PTPN23: variants seen among roughly 807,000 people sequenced by gnomAD.
The protein encoded by PTPN23 is tyrosine-protein phosphatase non-receptor type 23.
PTPN23 carries 72 observed loss-of-function variants against 156.3 expected under a neutral mutation model. The observed-to-expected ratio is 0.46, with a 90% CI of 0.38 to 0.56. PTPN23 has a LOEUF of 0.56. Ranked by LOEUF, PTPN23 falls within the 20% of genes least tolerant of loss-of-function variation. The probability of loss-of-function intolerance (pLI) is 0.00; values close to 1 mark genes in which losing one functional copy is unlikely to be tolerated. For synonymous variants in PTPN23, 957 were observed against 899.6 expected (o/e 1.06, Z -1.14); for missense variants, 1,974 against 2,171.5 (o/e 0.91, Z 1.81).
In PTPN23 at chr3:47,407,215, G is replaced by A; in HGVS notation, c.864+29G>A. 3 of 1,613,994 alleles carry A rather than the reference G, an allele frequency of 1.9e-6. No individual in the cohort carries two copies. The highest frequency in any genetic ancestry group is 2.5e-6 in the Non-Finnish European group (3 of 1,179,938). On this transcript the variant is annotated intron_variant, in intron 10 of 24. Transcript: ENST00000265562. The surrounding 1 kb of genome is among the most constrained non-coding windows in gnomAD (Gnocchi z 4.0). ...AAGCTGAGGAAGGCCTGGCTGCCCT[G>A]AGGGTATAGGAGCAAGCCCGGTAGG...
chr3:47,395,804 C>G (rs189950225), intron 1 of PTPN23, among the ~76,000 whole-genome samples: 3 of 152,144 alleles, frequency 2.0e-5, no homozygotes, highest in Non-Finnish European at 4.4e-5. Context: ...GCCCAATCTT[C>G]TAGGGAGGCT....
rs1214557333 is a variant in PTPN23, at chr3:47,404,895, T to C, written c.288-110T>C. 4 of 1,577,716 alleles carry C rather than the reference T, an allele frequency of 2.5e-6. No individual in the cohort carries two copies. The East Asian group carries it at 6.8e-5, about 27-fold the overall frequency. On this transcript the variant is annotated intron_variant, in intron 3 of 24. Coordinates refer to ENST00000265562, the MANE Select transcript of PTPN23 (RefSeq NM_015466.4). ...TAGGATGGGGAATGGCCTCATATGG[T>C]CCCCCCAGGCCTCCCCACATCCCCA...
chr3:47,395,624 C>G (rs1704862394), intron 1 of PTPN23, among the ~76,000 whole-genome samples: 1 of 152,222 alleles, frequency 6.6e-6, no homozygotes, highest in Non-Finnish European at 1.5e-5. Context: ...AGCTGCAAGT[C>G]TTTCCTCACA....
At chr3:47,397,630 T>C (rs772701577) in intron 2 of PTPN23, among the ~76,000 whole-genome samples, 11 of 152,068 alleles carry the variant, frequency 7.2e-5, no homozygotes. Context: ...ATCAGTAAAT[T>C]TTTGGATACA....
chr3:47,406,314 T>G lies in PTPN23; in HGVS notation c.547-11T>G. ...GGTGAGCGAGGGAGTGCACCTCACG[T>G]GTCGCCCCAGGGCCAGGCTCAGGAG... On this transcript the variant is annotated splice_polypyrimidine_tract_variant and intron_variant, in intron 6 of 24. Coordinates refer to ENST00000265562, the MANE Select transcript of PTPN23 (RefSeq NM_015466.4). This position sits in a 1 kb window ranked among gnomAD's most constrained non-coding sequence, Gnocchi z 5.8. 1 of 1,613,278 alleles carries G rather than the reference T, an allele frequency of 6.2e-7. No homozygotes were observed. Among genetic ancestry groups the G allele is most frequent in the Non-Finnish European group, 8.5e-7 (1 of 1,179,936 alleles).
At chr3:47,412,684 C>T (rs1576235227) in intron 24 of PTPN23, 22 bp from the exon 25 acceptor site, 5 of 1,598,906 alleles carry the variant, frequency 3.1e-6, no homozygotes, top group Non-Finnish European at 3.4e-6. Context: ...ACTCCCTCTC[C>T]TCACTCACTC....
intron 1 of PTPN23, among the ~76,000 whole-genome samples, chr3:47,384,050 G>T (rs886383300): frequency 1.3e-5 from 2 of 151,094 alleles, no homozygotes; most frequent in African/African-American, 4.9e-5. Context: ...AATTGGTTCT[G>T]TTTACATCAA....
In PTPN23 at chr3:47,406,057, G is replaced by A. The variant is rs761488446; in HGVS notation, c.546+11G>A. The A allele has an allele frequency of 8.7e-6, 14 of 1,609,974 alleles. No individual in the cohort carries two copies. The highest frequency in any genetic ancestry group is 8.4e-5 in the Admixed American group (5 of 59,464). Reference sequence around the variant, plus strand: ...GTCAACCTCATGCTGGTGAGGAGGCGCCCTGGTTGGAGTGGAGTTGAATCC... The same window carrying A: ...GTCAACCTCATGCTGGTGAGGAGGCACCCTGGTTGGAGTGGAGTTGAATCC... On this transcript the variant is annotated intron_variant, in intron 6 of 24. Coordinates refer to ENST00000265562, the MANE Select transcript of PTPN23 (RefSeq NM_015466.4). The surrounding 1 kb of genome is among the most constrained non-coding windows in gnomAD (Gnocchi z 5.8).
In PTPN23 at chr3:47,409,587, G is replaced by C. The variant is rs755253997; in HGVS notation, c.1949+19G>C. The C allele has an allele frequency of 6.2e-7, 1 of 1,612,514 alleles. No individual in the cohort carries two copies. Among genetic ancestry groups the C allele is most frequent in the African/African-American group, 1.3e-5 (1 of 74,880 alleles). On this transcript the variant is annotated intron_variant, in intron 18 of 24. Coordinates refer to ENST00000265562, the MANE Select transcript of PTPN23 (RefSeq NM_015466.4). Reference sequence around the variant, plus strand: ...ACCAAAAGTCAGTGCCCAGTCCTCTGCTCTTTCCCGGAGCCACCTGGAGCC... The same window carrying C: ...ACCAAAAGTCAGTGCCCAGTCCTCTCCTCTTTCCCGGAGCCACCTGGAGCC...
intron 1 of PTPN23, among the ~76,000 whole-genome samples, chr3:47,394,654 A>G (rs991736350): frequency 3.3e-5 from 5 of 152,194 alleles, no homozygotes; most frequent in African/African-American, 1.2e-4. Flanking sequence ...CAGGTTGTGC[A>G]GGGTCATAAA....
chr3:47,384,309 A>G (rs939164869), intron 1 of PTPN23, among the ~76,000 whole-genome samples: 1 of 152,002 alleles, frequency 6.6e-6, no homozygotes, highest in African/African-American at 2.4e-5. Flanking sequence ...TCTACTAAAA[A>G]TACAAAAAAT....
chr3:47,413,150 C>T lies in PTPN23; in HGVS notation c.4876C>T (p.Leu1626Phe). ...ATRPSDDPLS[L>F]LDPLWTLNKT is the part of the protein sequence containing the mutation. ...CCGGCCCTCTGACGACCCCCTCAGC[C>T]TTCTGGATCCACTCTGGACACTCAA... Residue 1626 changes from leucine (L) to phenylalanine (F), a missense_variant, in exon 25 of 25, where the codon CTT becomes TTT. By Grantham distance (22) the Leu-to-Phe change is conservative. This residue lies in a region of PTPN23 where 484 missense variants were observed against 516.0 expected (regional missense o/e 0.94). Transcript: ENST00000265562. 6.2e-7 allele frequency: 1 copy of T among 1,612,630 alleles called. No homozygotes were observed. Among genetic ancestry groups the T allele is most frequent in the Non-Finnish European group, 8.5e-7 (1 of 1,179,892 alleles).
chr3:47,406,787 C>T lies in PTPN23; in HGVS notation c.807+37C>T, dbSNP rs1705136444. The T allele has an allele frequency of 2.5e-6, 4 of 1,611,936 alleles. No individual in the cohort carries two copies. The highest frequency in any genetic ancestry group is 3.4e-6 in the Non-Finnish European group (4 of 1,179,296). On this transcript the variant is annotated intron_variant, in intron 9 of 24. Coordinates refer to ENST00000265562, the MANE Select transcript of PTPN23 (RefSeq NM_015466.4). This position sits in a 1 kb window ranked among gnomAD's most constrained non-coding sequence, Gnocchi z 5.8. ...CGAGGAGGGGACTGGGGACCAATGG[C>T]AGCCTTCAGTGAGATGCCGGTGTGC...
At chr3:47,393,493 C>G (rs1192435636) in intron 1 of PTPN23, among the ~76,000 whole-genome samples, 3 of 152,138 alleles carry the variant, frequency 2.0e-5, no homozygotes. Flanking sequence ...TTTGTTTTCT[C>G]TCCAGATAGA....
chr3:47,388,664 CTT>C (rs35817505), intron 1 of PTPN23, among the ~76,000 whole-genome samples: 6 of 126,958 alleles, frequency 4.7e-5, no homozygotes, highest in Non-Finnish European at 4.9e-5. Flanking sequence ...ACTACTAGAT[CTT>C]TTTTTTTTTT....
chr3:47,393,491 C>T (rs937425257), intron 1 of PTPN23, among the ~76,000 whole-genome samples: 2 of 152,154 alleles, frequency 1.3e-5, no homozygotes, highest in African/African-American at 2.4e-5. Context: ...TATTTGTTTT[C>T]TCTCCAGATA....
rs1287823475 is a variant in PTPN23 at position 47,413,260 on chromosome 3, T to G, written c.*75T>G. On this transcript the variant is annotated 3_prime_UTR_variant, in exon 25 of 25. Transcript: ENST00000265562. ...CCACCTGCCCACACCCAGCAGAGCT[T>G]CTCAGTGGGCACAGTCTCTTACTCC... 1 of 1,525,738 alleles carries G rather than the reference T, an allele frequency of 6.6e-7. No homozygotes were observed. Among genetic ancestry groups the G allele is most frequent in the Admixed American group, 1.9e-5 (1 of 51,918 alleles). The allele number at this position is 1,525,738 out of a possible 1,614,324, so 94.5% of individuals were successfully genotyped here.
chr3:47,387,546 G>A (rs1471322903), intron 1 of PTPN23, among the ~76,000 whole-genome samples: 7 of 147,908 alleles, frequency 4.7e-5, no homozygotes, highest in Non-Finnish European at 8.9e-5. Context: ...CGCCACTCCA[G>A]CCTGGGTGTC....
At position 47,411,795 on chromosome 3, in the gene PTPN23, C is replaced by T. The variant is rs142823648; in HGVS notation, c.3901C>T (p.Arg1301Cys). 1.7e-4 allele frequency: 271 copies of T among 1,595,164 alleles called. 1 individual carries two copies. Among genetic ancestry groups the T allele is most frequent in the South Asian group, 8.6e-4 (77 of 90,008 alleles). ...EAEMEKQKVARYFPTERGQPM... is the reference protein window; with the variant it reads ...EAEMEKQKVACYFPTERGQPM... ...ATCTGTCCCTCAGCAAAAAGTGGCACGCTACTTCCCCACCGAGAGGGGCCA... is the reference window on the plus strand; with the variant it reads ...ATCTGTCCCTCAGCAAAAAGTGGCATGCTACTTCCCCACCGAGAGGGGCCA... The change falls in exon 21 of 25, where the codon CGC (arginine) becomes TGC (cysteine). Residue 1301 changes from arginine to cysteine, a missense_variant. Physicochemically the swap from Arg to Cys is radical, Grantham distance 180 (BLOSUM62 -3). Coordinates refer to ENST00000265562, the MANE Select transcript of PTPN23 (RefSeq NM_015466.4). The surrounding 1 kb of genome is among the most constrained non-coding windows in gnomAD (Gnocchi z 6.3).
Sources: gnomAD v4.1 joint callset for allele counts (sites outside exome capture counted in the v4.1 genomes callset) on GRCh38, gnomAD v4.1.1 for gene constraint, gnomAD v4.1.1 regional missense constraint, Gnocchi (gnomAD v3.1) non-coding constraint, MANE v1.5 for transcripts, NCBI Gene and HGNC (gene_info 2026-07-23, HGNC 2026-07-21) for gene names.